CSMD1: variants seen among roughly 807,000 people sequenced by gnomAD.
CSMD1 encodes the protein CUB and Sushi multiple domains 1.
In CSMD1, 213 loss-of-function variants were observed where a neutral mutation model predicts 417.5. That is an observed-to-expected ratio of 0.51 (90% CI 0.46 to 0.57). The LOEUF is 0.57. Ranked by LOEUF, CSMD1 falls within the 20% of genes least tolerant of loss-of-function variation. The pLI is 0.00. For missense variants in CSMD1, 6,923 were observed against 4,529.7 expected (o/e 1.53, Z -15.17); for synonymous variants, 2,862 against 1,736.8 (o/e 1.65, Z -16.11).
At chr8:4,269,592 C>G (rs1804443567) in intron 3 of CSMD1, among the ~76,000 whole-genome samples, 1 of 152,176 alleles carries the variant, frequency 6.6e-6, no homozygotes. Context: ...AAGCATCCTT[C>G]ACATACAGTT....
intron 3 of CSMD1, among the ~76,000 whole-genome samples, chr8:4,371,056 A>T (rs1483937652): frequency 6.6e-6 from 1 of 152,208 alleles, no homozygotes; most frequent in African/African-American, 2.4e-5. Flanking sequence ...AAGGCTAATC[A>T]TCATTTCCCT....
intron 2 of CSMD1, among the ~76,000 whole-genome samples, chr8:4,510,535 A>C (rs1286724263): frequency 6.6e-6 from 1 of 150,732 alleles, no homozygotes; most frequent in East Asian, 2.0e-4. Flanking sequence ...TCTCTTCCCT[A>C]CTCAAAGCAA....
intron 7 of CSMD1, among the ~76,000 whole-genome samples, chr8:3,670,702 GGGATATATATGTA>G (rs2117522963): frequency 6.8e-6 from 1 of 147,556 alleles, no homozygotes; most frequent in Non-Finnish European, 1.5e-5. Context: ...ATATGTATAT[GGGATATATATGTA>G]TATGGGATAT....
intron 5 of CSMD1, among the ~76,000 whole-genome samples, chr8:3,901,940 G>C (rs1275532973): frequency 5.3e-5 from 8 of 152,172 alleles, no homozygotes; most frequent in East Asian, 1.9e-4. Context: ...AAGAGGACCA[G>C]ACATGTATTT....
chr8:4,016,836 A>T (rs539870558), intron 4 of CSMD1, among the ~76,000 whole-genome samples: 39 of 152,334 alleles, frequency 2.6e-4, no homozygotes, highest in African/African-American at 8.9e-4. Flanking sequence ...GTTGGAAGTC[A>T]TGTCTATCAA....
At chr8:3,283,713 G>A (rs1203143597) in intron 26 of CSMD1, among the ~76,000 whole-genome samples, 2 of 152,154 alleles carry the variant, frequency 1.3e-5, no homozygotes, top group Non-Finnish European at 2.9e-5. Flanking sequence ...GCAGAGGAAA[G>A]GAATGAAGAC....
At chr8:4,304,472 TAC>T (rs1412131171) in intron 3 of CSMD1, among the ~76,000 whole-genome samples, 3 of 152,166 alleles carry the variant, frequency 2.0e-5, no homozygotes, top group Non-Finnish European at 4.4e-5. Flanking sequence ...ACCCAGATAG[TAC>T]AGAGTCCCAT....
chr8:3,979,527 C>G (rs1003632203), intron 5 of CSMD1, among the ~76,000 whole-genome samples: 1 of 152,176 alleles, frequency 6.6e-6, no homozygotes, highest in South Asian at 2.1e-4. Context: ...TGTAACTCTC[C>G]AAGTCATGAT....
At position 4,637,472 on chromosome 8, in the gene CSMD1, A is replaced by G. The variant is rs1215448556; in HGVS notation, c.172T>C (p.Cys58Arg). 1.9e-6 allele frequency: 3 copies of G among 1,613,860 alleles called. No individual in the cohort carries two copies. Among genetic ancestry groups the G allele is most frequent in the Non-Finnish European group, 2.5e-6 (3 of 1,179,850 alleles). ...FPHGYPNYAN[C>R]TWIIITGERN... ...TCGCCCGTGATGATGATCCAGGTGCAGTTGGCATAGTTCGGATACCCGTGA... is the reference window on the plus strand; with the variant it reads ...TCGCCCGTGATGATGATCCAGGTGCGGTTGGCATAGTTCGGATACCCGTGA... The change falls in exon 2 of 70, where the codon TGC (cysteine) becomes CGC (arginine). Residue 58 changes from cysteine to arginine, a missense_variant. Physicochemically the swap from Cys to Arg is radical, Grantham distance 180. Transcript: ENST00000635120.
At chr8:3,989,893 C>A (rs1269003497) in intron 5 of CSMD1, among the ~76,000 whole-genome samples, 2 of 152,112 alleles carry the variant, frequency 1.3e-5, no homozygotes, top group Non-Finnish European at 2.9e-5. Flanking sequence ...CCTAACCAGT[C>A]CTCCATGAAA....
At chr8:4,358,611 A>T (rs1335359428) in intron 3 of CSMD1, among the ~76,000 whole-genome samples, 1 of 152,214 alleles carries the variant, frequency 6.6e-6, no homozygotes, top group African/African-American at 2.4e-5. Context: ...TAATAGTCTA[A>T]CAGGGTATAA....
At chr8:4,446,289 C>G (rs79876499) in intron 2 of CSMD1, among the ~76,000 whole-genome samples, 1 of 152,120 alleles carries the variant, frequency 6.6e-6, no homozygotes, top group Admixed American at 6.5e-5. Context: ...GGCTCATGCC[C>G]GTAATCCTGC....
chr8:4,175,390 C>T (rs1386872245), intron 3 of CSMD1, among the ~76,000 whole-genome samples: 1 of 152,142 alleles, frequency 6.6e-6, no homozygotes, highest in African/African-American at 2.4e-5. Flanking sequence ...GATCTTCTCT[C>T]TTACCTGCGC....
intron 1 of CSMD1, among the ~76,000 whole-genome samples, chr8:4,784,236 T>C (rs1797293384): frequency 6.6e-6 from 1 of 152,214 alleles, no homozygotes; most frequent in Non-Finnish European, 1.5e-5. Context: ...CCTATTGTAA[T>C]TGGAAAAGTC....
intron 10 of CSMD1, among the ~76,000 whole-genome samples, chr8:3,571,385 T>C (rs1799936074): frequency 6.6e-6 from 1 of 152,184 alleles, no homozygotes; most frequent in Admixed American, 6.5e-5. Flanking sequence ...GTCTGTTCCC[T>C]GGTTAAAGGT....
At chr8:4,420,632 C>G (rs546425531) in intron 2 of CSMD1, among the ~76,000 whole-genome samples, 2 of 152,028 alleles carry the variant, frequency 1.3e-5, no homozygotes, top group African/African-American at 2.4e-5. Context: ...CTGAGTTGGT[C>G]GTGAAACAAT....
At position 4,838,576 on chromosome 8, in the gene CSMD1, G is replaced by C. The variant is rs146721100; in HGVS notation, c.85+155756C>G. Among the ~76,000 whole-genome samples the C allele has an allele frequency of 7.2e-5, 11 of 152,312 alleles. No homozygotes were observed. In the South Asian group the frequency reaches 1.5e-3, roughly 20 times the overall value. On this transcript the variant is annotated intron_variant, in intron 1 of 69. Coordinates refer to ENST00000635120, the MANE Select transcript of CSMD1 (RefSeq NM_033225.6). ...ACACCTGGGTGGGGGTGCATGTTGAGGATATATTCATAAACAATCAGTTTG... is the reference window on the plus strand; with the variant it reads ...ACACCTGGGTGGGGGTGCATGTTGACGATATATTCATAAACAATCAGTTTG...
chr8:3,447,595 A>T (rs1410371454), intron 12 of CSMD1, among the ~76,000 whole-genome samples: 1 of 152,178 alleles, frequency 6.6e-6, no homozygotes, highest in Non-Finnish European at 1.5e-5. Context: ...GTTCCGTAGG[A>T]TTAGCCCCTG....
chr8:3,781,701 G>T (rs376538621), intron 5 of CSMD1, among the ~76,000 whole-genome samples: 1 of 152,174 alleles, frequency 6.6e-6, no homozygotes, highest in African/African-American at 2.4e-5. Context: ...GCCTACGGAG[G>T]TTCTAGGGTG....
Sources: gnomAD v4.1 joint callset for allele counts (sites outside exome capture counted in the v4.1 genomes callset) on GRCh38, gnomAD v4.1.1 for gene constraint, MANE v1.5 for transcripts, NCBI Gene and HGNC (gene_info 2026-07-23, HGNC 2026-07-21) for gene names.